The following AGBL1 variants were observed in gnomAD, a reference collection of about 807,000 sequenced individuals.
AGBL1 encodes AGBL carboxypeptidase 1, also known as cytosolic carboxypeptidase 4.
A neutral mutation model predicts 118.9 loss-of-function variants in AGBL1; 130 were observed. That is an observed-to-expected ratio of 1.09 (90% CI 0.95 to 1.26). The LOEUF is 1.26. AGBL1 is among the 50% of genes most tolerant of loss of function. AGBL1 has a pLI of 0.00. For synonymous variants in AGBL1, 555 were observed against 478.9 expected, an observed-to-expected ratio of 1.16 and a Z score of -2.08; for missense variants, 1,584 against 1,298.1, an observed-to-expected ratio of 1.22 and a Z score of -3.38.
chr15:86,221,553 C>T (rs899685206), intron 5 of AGBL1, among the ~76,000 whole-genome samples: 18 of 152,166 alleles, frequency 1.2e-4, no homozygotes, highest in African/African-American at 4.3e-4. Flanking sequence ...AGTGGACCAG[C>T]GCTGCAGACA....
chr15:86,119,779 G>A (rs1459959401), intron 1 of AGBL1, among the ~76,000 whole-genome samples: 1 of 151,932 alleles, frequency 6.6e-6, no homozygotes, highest in Non-Finnish European at 1.5e-5. Flanking sequence ...CTGGTTGTGG[G>A]GTCCTAGTAG....
intron 5 of AGBL1, among the ~76,000 whole-genome samples, chr15:86,204,513 C>A (rs566005763): frequency 1.6e-3 from 189 of 121,256 alleles, no homozygotes; most frequent in African/African-American, 6.2e-3. Flanking sequence ...TCCCCTTCCC[C>A]TTCCCCTTCC....
At chr15:86,751,861 A>G (rs2077858346) in intron 22 of AGBL1, among the ~76,000 whole-genome samples, 2 of 152,126 alleles carry the variant, frequency 1.3e-5, no homozygotes, top group South Asian at 4.1e-4. Context: ...TGCACAGACA[A>G]TGGTAAAGCC....
intron 1 of AGBL1, among the ~76,000 whole-genome samples, chr15:86,141,428 G>A (rs982590992): frequency 6.6e-6 from 1 of 152,196 alleles, no homozygotes; most frequent in Non-Finnish European, 1.5e-5. Flanking sequence ...GAGGCAGGCA[G>A]ATAACGTGGT....
At chr15:86,086,110 C>T (rs1895632897) in intron 1 of AGBL1, 1 of 152,200 alleles carries the variant, frequency 6.6e-6, no homozygotes, top group South Asian at 2.1e-4. Context: ...ACGCCTACAG[C>T]AGAAAGCCAT....
In AGBL1 at chr15:86,104,541, T is replaced by G. The variant is rs1896922447; in HGVS notation, c.51+24518T>G. On this transcript the variant is annotated intron_variant, in intron 1 of 22. Transcript: ENST00000614907. ...GCAGCCAGTAGTGGCAATGGCTGTA[T>G]GTGGGGGAGTCTTCTCTCAGGGCAC... is the stretch of plus-strand genomic sequence containing the variant. Among the ~76,000 whole-genome samples the G allele has an allele frequency of 2.0e-5, 3 of 151,958 alleles. No individual in the cohort carries two copies. In the South Asian group the frequency reaches 6.2e-4, roughly 32 times the overall value.
rs973442056 is a variant in AGBL1, at chr15:86,247,565, C to A, written c.527-106C>A. Reference sequence around the variant, plus strand: ...GTTTTCATACTAAAATGTTATTATTCCCTTGATGATTAATAAGTATCTTGT... The same window carrying A: ...GTTTTCATACTAAAATGTTATTATTACCTTGATGATTAATAAGTATCTTGT... On this transcript the variant is annotated intron_variant, in intron 6 of 22. Transcript: ENST00000614907. 4.2e-6 allele frequency: 5 copies of A among 1,185,352 alleles called. No individual in the cohort carries two copies. The African/African-American group carries it at 6.1e-5, about 14-fold the overall frequency. 73.4% of individuals were successfully genotyped at this position (1,185,352 alleles called of 1,614,324 possible).
intron 1 of AGBL1, among the ~76,000 whole-genome samples, chr15:86,130,883 C>G (rs898413008): frequency 3.3e-5 from 5 of 152,090 alleles, no homozygotes; most frequent in African/African-American, 1.2e-4. Flanking sequence ...CCTGGTGTCT[C>G]TTGTATGGTT....
intron 17 of AGBL1, among the ~76,000 whole-genome samples, chr15:86,310,341 C>T (rs939199699): frequency 4.6e-5 from 7 of 151,678 alleles, no homozygotes; most frequent in African/African-American, 1.7e-4. Context: ...AAAGGTTTGT[C>T]AATTTTGTTT....
intron 22 of AGBL1, among the ~76,000 whole-genome samples, chr15:86,706,721 A>T (rs1048725126): frequency 1.3e-5 from 2 of 152,142 alleles, no homozygotes; most frequent in Non-Finnish European, 1.5e-5. Flanking sequence ...GTTTGTTCCA[A>T]ATTTTGGGCA....
intron 5 of AGBL1, among the ~76,000 whole-genome samples, chr15:86,166,369 C>A: frequency 6.6e-6 from 1 of 152,150 alleles, no homozygotes; most frequent in Non-Finnish European, 1.5e-5. Flanking sequence ...GTGAAATGAC[C>A]AGCTCCCTAT....
chr15:86,222,019 C>G (rs2078288447), intron 5 of AGBL1, among the ~76,000 whole-genome samples: 1 of 152,190 alleles, frequency 6.6e-6, no homozygotes, highest in Non-Finnish European at 1.5e-5. Context: ...AGTTTCCAAA[C>G]TAATCATCCG....
At position 86,729,695 on chromosome 15, in the gene AGBL1, C is replaced by T. The variant is rs146659270; in HGVS notation, c.3158+55259C>T. 1.6e-3 allele frequency among the ~76,000 whole-genome samples: 243 copies of T among 152,270 alleles called. 3 individuals carry two copies. Among genetic ancestry groups the T allele is most frequent in the African/African-American group, 5.5e-3 (229 of 41,564 alleles). ...GCCCACTGTTGAGCATCTAGGTTGA[C>T]TCCATATCTTTGCTATTGTGAACAG... On this transcript the variant is annotated intron_variant, in intron 22 of 22. Transcript: ENST00000614907.
At chr15:86,473,375 T>G (rs969801276) in intron 18 of AGBL1, among the ~76,000 whole-genome samples, 2 of 152,164 alleles carry the variant, frequency 1.3e-5, no homozygotes, top group African/African-American at 4.8e-5. Flanking sequence ...TCTATTGATC[T>G]TTTTTTATCT....
intron 20 of AGBL1, 143 bp downstream of exon 20, chr15:86,546,276 A>C: frequency 9.6e-7 from 1 of 1,038,476 alleles, no homozygotes; most frequent in Non-Finnish European, 1.3e-6. Flanking sequence ...TAGGATTGTA[A>C]TACAAGCAGG....
intron 22 of AGBL1, among the ~76,000 whole-genome samples, chr15:86,706,249 C>G (rs192579801): frequency 1.3e-5 from 2 of 151,676 alleles, no homozygotes; most frequent in Admixed American, 1.3e-4. Context: ...TTTATTGTCA[C>G]AATAAAAACT....
chr15:86,893,185 G>A (rs567556907), intron 22 of AGBL1, among the ~76,000 whole-genome samples: 3 of 152,142 alleles, frequency 2.0e-5, no homozygotes, highest in African/African-American at 7.2e-5. Context: ...TTTTCAGGAG[G>A]GAGATGGGTG....
intron 23 of AGBL1, among the ~76,000 whole-genome samples, chr15:86,944,677 C>CAG (rs1567252301): frequency 1.3e-5 from 2 of 152,228 alleles, no homozygotes; most frequent in African/African-American, 4.8e-5. Flanking sequence ...ATTTTTAATG[C>CAG]CTTCATTCAT....
At chr15:86,416,671 C>G (rs2081700573) in intron 18 of AGBL1, among the ~76,000 whole-genome samples, 1 of 152,164 alleles carries the variant, frequency 6.6e-6, no homozygotes, top group Non-Finnish European at 1.5e-5. Flanking sequence ...CTGAGAGACT[C>G]AGCCATAATG....
Sources: allele counts gnomAD v4.1 joint callset (sites outside exome capture counted in the v4.1 genomes callset), GRCh38; gene constraint gnomAD v4.1.1; transcripts MANE v1.5; gene names NCBI Gene and HGNC (gene_info 2026-07-23, HGNC 2026-07-21).